The following CIROZ variants were observed in gnomAD, a reference collection of about 807,000 sequenced individuals.
The protein encoded by CIROZ is ciliated left-right organizer ZP-N domains-containing protein.
the CIROZ span, chr1:10,964,204 C>T: frequency 3.1e-6 from 5 of 1,614,078 alleles, no homozygotes; most frequent in South Asian, 1.1e-5. Context: ...CATTATGTAG[C>T]GATCACTCCG....
chr1:10,981,878 T>G, the CIROZ span: 2 of 1,111,944 alleles, frequency 1.8e-6, no homozygotes, highest in Non-Finnish European at 2.6e-6. Context: ...TCTGGGCCCC[T>G]CACCCATTTG....
the CIROZ span, chr1:10,948,276 G>A: frequency 5.3e-5 from 86 of 1,613,894 alleles, 1 homozygote; most frequent in Admixed American, 7.2e-4. Flanking sequence ...CTCCACCTCC[G>A]TTCCAGAGCA....
the CIROZ span, among the ~76,000 whole-genome samples, chr1:10,961,000 C>CA: frequency 7.2e-6 from 1 of 139,188 alleles, no homozygotes; most frequent in Non-Finnish European, 1.7e-5. This position sits in a 1 kb window ranked among gnomAD's most constrained non-coding sequence, Gnocchi z 4.6. Context: ...GGATGCAGAG[C>CA]CCCCCCCACC....
At chr1:10,954,577 G>T in the CIROZ span, among the ~76,000 whole-genome samples, 1 of 152,164 alleles carries the variant, frequency 6.6e-6, no homozygotes, top group African/African-American at 2.4e-5. Context: ...CGGGCCTGAG[G>T]AGCATACATG....
the CIROZ span, chr1:10,947,905 GGCCCACAGGCCA>G: frequency 6.2e-7 from 1 of 1,613,736 alleles, no homozygotes; most frequent in Non-Finnish European, 8.5e-7. Flanking sequence ...CACTCCTCCT[GGCCCACAGGCCA>G]GCCAGGGGCT....
chr1:10,969,573 C>T, the CIROZ span, among the ~76,000 whole-genome samples: 1 of 152,106 alleles, frequency 6.6e-6, no homozygotes, highest in Non-Finnish European at 1.5e-5. Flanking sequence ...GCGCTTCTTC[C>T]AGGGCTTTGG....
chr1:10,957,062 C>T, the CIROZ span: 15 of 1,550,590 alleles, frequency 9.7e-6, no homozygotes, highest in South Asian at 6.0e-5. Flanking sequence ...GCATGGTGAC[C>T]GCTCACCAGC....
At chr1:10,976,143 G>T in the CIROZ span, 1 of 1,533,350 alleles carries the variant, frequency 6.5e-7, no homozygotes, top group Non-Finnish European at 8.7e-7. Context: ...CCATAAAAGT[G>T]TGATTGATTC....
At chr1:10,956,597 T>C in the CIROZ span, among the ~76,000 whole-genome samples, 1 of 151,630 alleles carries the variant, frequency 6.6e-6, no homozygotes, top group Non-Finnish European at 1.5e-5. Flanking sequence ...TGCCTCAGCC[T>C]CCTGAGTAGC....
At chr1:10,968,231 G>A in the CIROZ span, among the ~76,000 whole-genome samples, 2 of 152,294 alleles carry the variant, frequency 1.3e-5, no homozygotes, top group South Asian at 2.1e-4. Context: ...GAGGGATTAC[G>A]AGCAGTTTTG....
the CIROZ span, among the ~76,000 whole-genome samples, chr1:10,965,623 G>A: frequency 6.6e-6 from 1 of 151,958 alleles, no homozygotes; most frequent in East Asian, 1.9e-4. Context: ...TACTCTGGGG[G>A]CCGAGGTGGG....
the CIROZ span, among the ~76,000 whole-genome samples, chr1:10,950,226 G>T: frequency 6.6e-6 from 1 of 151,708 alleles, no homozygotes; most frequent in Non-Finnish European, 1.5e-5. Flanking sequence ...AGTAGAGATG[G>T]GTTTCACCAT....
the CIROZ span, among the ~76,000 whole-genome samples, chr1:10,978,222 T>C: frequency 1.3e-5 from 2 of 150,902 alleles, no homozygotes; most frequent in Admixed American, 6.6e-5. Flanking sequence ...TTTATTAGTA[T>C]TTTTTTTGTA....
the CIROZ span, among the ~76,000 whole-genome samples, chr1:10,965,765 G>A: frequency 6.6e-6 from 1 of 151,512 alleles, no homozygotes; most frequent in Admixed American, 6.6e-5. Flanking sequence ...GGAAGTTGCA[G>A]TGAGCCGAGA....
the CIROZ span, among the ~76,000 whole-genome samples, chr1:10,960,466 G>A: frequency 6.6e-6 from 1 of 152,130 alleles, no homozygotes; most frequent in Non-Finnish European, 1.5e-5. The surrounding 1 kb of genome is among the most constrained non-coding windows in gnomAD (Gnocchi z 4.6). Context: ...AAAACGCACC[G>A]TGCCCTTTAA....
the CIROZ span, chr1:10,949,473 A>C: frequency 5.9e-4 from 511 of 871,972 alleles, 9 homozygotes; most frequent in South Asian, 8.3e-3. Flanking sequence ...GAATTTGAGG[A>C]GGTAACATGG....
the CIROZ span, among the ~76,000 whole-genome samples, chr1:10,972,919 C>T: frequency 6.6e-6 from 1 of 151,264 alleles, no homozygotes; most frequent in African/African-American, 2.4e-5. Flanking sequence ...AGATGCCCCC[C>T]CCATCTCTAA....
the CIROZ span, among the ~76,000 whole-genome samples, chr1:10,973,962 C>CCCA: frequency 6.6e-6 from 1 of 151,478 alleles, no homozygotes; most frequent in African/African-American, 2.4e-5. Context: ...AAGGACCCCC[C>CCCA]CCACCAAGTC....
the CIROZ span, among the ~76,000 whole-genome samples, chr1:10,952,750 G>A: frequency 6.6e-6 from 1 of 152,218 alleles, no homozygotes; most frequent in African/African-American, 2.4e-5. Context: ...GGCCTCAAGT[G>A]ATCCTCCCAC....
Sources: gnomAD v4.1 joint callset for allele counts (sites outside exome capture counted in the v4.1 genomes callset) on GRCh38, gnomAD v4.1.1 for gene constraint, Gnocchi (gnomAD v3.1) non-coding constraint, MANE v1.5 for transcripts, NCBI Gene and HGNC (gene_info 2026-07-23, HGNC 2026-07-21) for gene names.